JAK1: variants seen among roughly 807,000 people sequenced by gnomAD.
JAK1 encodes tyrosine-protein kinase JAK1.
Under a neutral mutation model 136.6 loss-of-function variants are expected in JAK1, and 16 were observed. That is an observed-to-expected ratio of 0.12 (90% CI 0.08 to 0.18). The LOEUF (loss-of-function observed/expected upper bound fraction) is 0.18. Ranked by LOEUF, JAK1 falls within the 10% of genes least tolerant of loss-of-function variation. The probability of loss-of-function intolerance (pLI) is 1.00; values close to 1 mark genes in which losing one functional copy is unlikely to be tolerated. For synonymous variants in JAK1, 492 were observed against 519.5 expected (o/e 0.95, Z 0.72); for missense variants, 859 against 1,450.1 (o/e 0.59, Z 6.62).
rs145764497 is a variant in JAK1, at chr1:64,953,532, G to A, written c.-78+12801C>T. On this transcript the variant is annotated intron_variant, in intron 1 of 24. Coordinates refer to ENST00000342505, the MANE Select transcript of JAK1 (RefSeq NM_002227.4). ...GTAATATAAAGCAACAGTAAATCTCGTCTGACTTAAAATGTCAAAAACAGC... is the reference window on the plus strand; with the variant it reads ...GTAATATAAAGCAACAGTAAATCTCATCTGACTTAAAATGTCAAAAACAGC... Among the ~76,000 whole-genome samples, 15 of 152,166 alleles carry A rather than the reference G, an allele frequency of 9.9e-5. No individual in the cohort carries two copies. In the East Asian group the frequency reaches 2.5e-3, roughly 25 times the overall value.
At chr1:64,945,066 A>G (rs1427150895) in intron 1 of JAK1, among the ~76,000 whole-genome samples, 1 of 151,898 alleles carries the variant, frequency 6.6e-6, no homozygotes, top group Admixed American at 6.6e-5. Context: ...CCCTAGTCGC[A>G]TATCACACTA....
chr1:65,030,675 G>A (rs1027344262), intron 2 of JAK1, among the ~76,000 whole-genome samples: 2 of 152,030 alleles, frequency 1.3e-5, no homozygotes, highest in African/African-American at 4.8e-5. Context: ...TGGGATTACA[G>A]GTGCACACAC....
intron 1 of JAK1, among the ~76,000 whole-genome samples, chr1:64,906,586 C>A (rs531427542): frequency 2.6e-5 from 4 of 152,316 alleles, no homozygotes; most frequent in Non-Finnish European, 5.9e-5. Context: ...CCATATCCCA[C>A]GATTTCTCGC....
At position 65,035,057 on chromosome 1, in the gene JAK1, AAAAT is replaced by A. The variant is rs35499348; in HGVS notation, c.-78+9419_-78+9422del. On this transcript the variant is annotated intron_variant, in intron 2 of 25. Transcript: ENST00000671954. ...GGCAACAAGAGTGAAACTCCATCTC[AAAAT>A]AAATAAATAAATAAATAAATAAATA... Among the ~76,000 whole-genome samples, 716 of 149,590 alleles carry A rather than the reference AAAAT, an allele frequency of 4.8e-3. 7 individuals carry two copies. The highest frequency in any genetic ancestry group is 0.014 in the African/African-American group (568 of 40,464).
intron 2 of JAK1, among the ~76,000 whole-genome samples, chr1:65,040,480 G>A (rs762232127): frequency 1.9e-4 from 29 of 152,002 alleles, no homozygotes; most frequent in South Asian, 6.2e-4. Context: ...GTAATCTCTC[G>A]ACCTTACAAT....
chr1:65,063,801 T>G, intron 1 of JAK1, among the ~76,000 whole-genome samples: 1 of 93,850 alleles, frequency 1.1e-5, no homozygotes. Context: ...AGAGACTCTA[T>G]CTCAAAAAAA....
At chr1:64,989,516 T>G (rs1173599231) in intron 2 of JAK1, 4 of 152,064 alleles carry the variant, frequency 2.6e-5, no homozygotes, top group African/African-American at 9.7e-5. Flanking sequence ...AAAGCAGACC[T>G]TATTTGCAAA....
At chr1:64,857,051 C>T (rs1332662024) in intron 10 of JAK1, among the ~76,000 whole-genome samples, 3 of 152,182 alleles carry the variant, frequency 2.0e-5, no homozygotes, top group African/African-American at 4.8e-5. Flanking sequence ...TCTAGTGAGG[C>T]AAAGTCAGTA....
chr1:64,940,382 T>G (rs61784750), intron 1 of JAK1, among the ~76,000 whole-genome samples: 1 of 147,858 alleles, frequency 6.8e-6, no homozygotes, highest in Non-Finnish European at 1.5e-5. Context: ...AGTGGCACAA[T>G]CTCCACTCAC....
At chr1:64,952,214 T>C (rs1009874325) in intron 1 of JAK1, among the ~76,000 whole-genome samples, 3 of 152,108 alleles carry the variant, frequency 2.0e-5, no homozygotes, top group Non-Finnish European at 2.9e-5. Context: ...TGTAGGTTCA[T>C]AAGGGGTGCA....
intron 2 of JAK1, chr1:64,991,527 T>C (rs1339812957): frequency 6.6e-6 from 1 of 152,244 alleles, no homozygotes; most frequent in African/African-American, 2.4e-5. Flanking sequence ...TAATTACATG[T>C]ATTTTAATTT....
chr1:65,060,513 C>T (rs1647744831), intron 1 of JAK1, among the ~76,000 whole-genome samples: 1 of 152,056 alleles, frequency 6.6e-6, no homozygotes, highest in South Asian at 2.1e-4. Context: ...CTCTACTAGC[C>T]ATCACCAAAA....
At chr1:65,032,096 G>T (rs1392386763) in intron 2 of JAK1, among the ~76,000 whole-genome samples, 1 of 151,578 alleles carries the variant, frequency 6.6e-6, no homozygotes, top group Non-Finnish European at 1.5e-5. Context: ...TTCCCAAGTC[G>T]CTGGGACTAC....
At chr1:64,934,534 TGA>T (rs1557704645) in intron 1 of JAK1, among the ~76,000 whole-genome samples, 1 of 152,142 alleles carries the variant, frequency 6.6e-6, no homozygotes, top group Non-Finnish European at 1.5e-5. Context: ...CATTACGAAA[TGA>T]GAGGGGCGAG....
intron 1 of JAK1, among the ~76,000 whole-genome samples, chr1:64,961,997 CA>C (rs1346080261): frequency 1.3e-5 from 2 of 152,110 alleles, no homozygotes; most frequent in African/African-American, 4.8e-5. Flanking sequence ...AGAAAGATAA[CA>C]AGGGGAAGCT....
In JAK1 at chr1:64,835,500, G is replaced by A. The variant is rs1464151070; in HGVS notation, c.3265C>T (p.Leu1089=). The A allele has an allele frequency of 6.4e-7, 1 of 1,558,552 alleles. No homozygotes were observed. Among genetic ancestry groups the A allele is most frequent in the Admixed American group, 1.9e-5 (1 of 52,674 alleles). The change falls in exon 24 of 25, where the codon CTG becomes TTG. Residue 1089 remains leucine (L), a synonymous_variant. Coordinates refer to ENST00000342505, the MANE Select transcript of JAK1 (RefSeq NM_002227.4). ...CCATGGGTTGGGCCTATCATTTTCA[G>A]GAACAACTATATAAAATAAAATCAA... ...DSDSSPMALF[L]KMIGPTHGQM... is the part of the protein sequence containing the mutation.
chr1:64,896,418 T>C (rs1241938156), intron 1 of JAK1, among the ~76,000 whole-genome samples: 2 of 152,220 alleles, frequency 1.3e-5, no homozygotes, highest in Admixed American at 1.3e-4. Context: ...TCTTTTGTCT[T>C]TCCTTCCCAG....
At chr1:64,985,638 A>T (rs182623380) in intron 2 of JAK1, 24 of 777,576 alleles carry the variant, frequency 3.1e-5, no homozygotes, top group African/African-American at 2.8e-4. Context: ...AGTGCCAAAG[A>T]CACCTTGCAG....
upstream of JAK1, among the ~76,000 whole-genome samples, chr1:64,968,951 A>G (rs1413664567): frequency 6.6e-6 from 1 of 151,286 alleles, no homozygotes; most frequent in Non-Finnish European, 1.5e-5. Context: ...AAAAAAAAAA[A>G]AAAGGTAAAC....
Sources: gnomAD v4.1 joint callset for allele counts (sites outside exome capture counted in the v4.1 genomes callset) on GRCh38, gnomAD v4.1.1 for gene constraint, MANE v1.5 for transcripts, NCBI Gene and HGNC (gene_info 2026-07-23, HGNC 2026-07-21) for gene names.